The following PCDHGA4 variants were observed in gnomAD, a reference collection of about 807,000 sequenced individuals.
PCDHGA4 encodes protocadherin gamma subfamily A, 4.
In PCDHGA4, 38 loss-of-function variants were observed where a neutral mutation model predicts 54.6. That is an observed-to-expected ratio of 0.70 (90% confidence interval 0.54 to 0.91). The LOEUF (loss-of-function observed/expected upper bound fraction) is 0.91. PCDHGA4 is among the 40% of genes least tolerant of loss of function. The pLI is 0.00. For missense variants in PCDHGA4, 1,298 were observed against 1,220.9 expected (o/e 1.06, Z -0.94); for synonymous variants, 511 against 512.9 (o/e 1.00, Z 0.05).
At chr5:141,451,224 C>G (rs2098710956) in intron 1 of PCDHGA4, among the ~76,000 whole-genome samples, 1 of 152,170 alleles carries the variant, frequency 6.6e-6, no homozygotes, top group South Asian at 2.1e-4. Flanking sequence ...TTAAAAGAAG[C>G]ATTTATTATC....
At chr5:141,436,467 A>G (rs2097825090) in intron 1 of PCDHGA4, among the ~76,000 whole-genome samples, 1 of 152,216 alleles carries the variant, frequency 6.6e-6, no homozygotes, top group South Asian at 2.1e-4. Flanking sequence ...GAATTTTCAG[A>G]TGTATCATAG....
intron 1 of PCDHGA4, chr5:141,409,656 G>A: frequency 6.2e-7 from 1 of 1,613,618 alleles, no homozygotes; most frequent in South Asian, 1.1e-5. Context: ...GGGCTCAATG[G>A]CCACATCTCC....
At chr5:141,371,610 A>C in intron 1 of PCDHGA4, 1 of 1,614,006 alleles carries the variant, frequency 6.2e-7, no homozygotes, top group Non-Finnish European at 8.5e-7. Context: ...CAGGTTGGTG[A>C]CAGATGGAGC....
intron 1 of PCDHGA4, chr5:141,412,213 C>T (rs1467971455): frequency 6.6e-6 from 1 of 152,224 alleles, no homozygotes; most frequent in Non-Finnish European, 1.5e-5. Context: ...TTGACATAAA[C>T]ACTTACTTGT....
At chr5:141,510,335 AC>A (rs1247622083) in intron 3 of PCDHGA4, among the ~76,000 whole-genome samples, 1 of 149,138 alleles carries the variant, frequency 6.7e-6, no homozygotes, top group African/African-American at 2.5e-5. Context: ...CTTCACCCCC[AC>A]CCCACACACT....
intron 1 of PCDHGA4, chr5:141,361,554 A>G (rs199916536): frequency 2.8e-5 from 45 of 1,613,944 alleles, no homozygotes; most frequent in East Asian, 8.9e-5. Context: ...CTATCGCTCA[A>G]ATCAGTGCCT....
intron 1 of PCDHGA4, chr5:141,364,809 C>A: frequency 6.2e-7 from 1 of 1,613,952 alleles, no homozygotes; most frequent in Non-Finnish European, 8.5e-7. Flanking sequence ...GCGCGGGATG[C>A]GGATGTGGGT....
chr5:141,434,480 C>T (rs777049751), intron 1 of PCDHGA4, among the ~76,000 whole-genome samples: 6 of 152,194 alleles, frequency 3.9e-5, no homozygotes, highest in Non-Finnish European at 5.9e-5. Context: ...GGGCAAGGAA[C>T]ACCTGGCCCG....
intron 1 of PCDHGA4, chr5:141,422,833 C>G (rs2096676817): frequency 6.2e-7 from 1 of 1,614,106 alleles, no homozygotes; most frequent in African/African-American, 1.3e-5. Flanking sequence ...AGTGATAGCA[C>G]GTGACAGCGG....
At chr5:141,417,866 G>C (rs1299960512) in intron 1 of PCDHGA4, 1 of 1,552,408 alleles carries the variant, frequency 6.4e-7, no homozygotes, top group African/African-American at 1.4e-5. Context: ...AACGATGGGA[G>C]GGAGCTGCGC....
intron 1 of PCDHGA4, chr5:141,384,511 G>A (rs1780163912): frequency 6.2e-7 from 1 of 1,614,188 alleles, no homozygotes; most frequent in Non-Finnish European, 8.5e-7. Flanking sequence ...ACATGACAGC[G>A]GGGACCCGCC....
chr5:141,501,311 AC>A (rs2099807696), intron 2 of PCDHGA4, among the ~76,000 whole-genome samples: 1 of 151,670 alleles, frequency 6.6e-6, no homozygotes, highest in Non-Finnish European at 1.5e-5. Context: ...ACACACACAC[AC>A]ACACACACAC....
chr5:141,361,728 A>T (rs1318637710), intron 1 of PCDHGA4: 3 of 1,613,128 alleles, frequency 1.9e-6, no homozygotes, highest in Non-Finnish European at 2.5e-6. Context: ...TCGAGCTCAC[A>T]CTGCAGGCCC....
chr5:141,456,975 A>T (rs1240583336), intron 1 of PCDHGA4, among the ~76,000 whole-genome samples: 1 of 152,178 alleles, frequency 6.6e-6, no homozygotes, highest in East Asian at 1.9e-4. Flanking sequence ...AACAAAACAA[A>T]CAAACAAACA....
rs780436102 is a variant in PCDHGA4, at chr5:141,431,846, G to A, written c.2515-62961G>A. 1 of 1,614,274 alleles carries A rather than the reference G, an allele frequency of 6.2e-7. No individual in the cohort carries two copies. Among genetic ancestry groups the A allele is most frequent in the South Asian group, 1.1e-5 (1 of 91,088 alleles). On this transcript the variant is annotated intron_variant, in intron 1 of 3. Coordinates refer to ENST00000571252, the MANE Select transcript of PCDHGA4 (RefSeq NM_018917.4). The surrounding 1 kb of genome is among the most constrained non-coding windows in gnomAD (Gnocchi z 4.8). ...CTCGGTTCCCGAAAACTCTCCCAGA[G>A]GGACATTAATTGCCCTTTTAAATGT...
intron 1 of PCDHGA4, chr5:141,399,330 A>G: frequency 6.2e-7 from 1 of 1,613,994 alleles, no homozygotes; most frequent in South Asian, 1.1e-5. Flanking sequence ...ATAAGTTGGT[A>G]ACAGATGGAA....
chr5:141,366,335 C>T, intron 1 of PCDHGA4: 2 of 1,613,882 alleles, frequency 1.2e-6, no homozygotes, highest in Non-Finnish European at 1.7e-6. Context: ...CGACAGGATC[C>T]CTGACATCCT....
chr5:141,446,821 T>C lies in PCDHGA4; in HGVS notation c.2515-47986T>C, dbSNP rs183143971. ...CATTGTGATCATCTAGTCAGATGGG[T>C]AGATCCTTATAAGGCTGAGCATAAT... On this transcript the variant is annotated intron_variant, in intron 1 of 3. Coordinates refer to ENST00000571252, the MANE Select transcript of PCDHGA4 (RefSeq NM_018917.4). 1.6e-3 allele frequency among the ~76,000 whole-genome samples: 244 copies of C among 152,302 alleles called. 2 individuals carry two copies. The highest frequency in any genetic ancestry group is 5.4e-3 in the African/African-American group (223 of 41,572).
intron 1 of PCDHGA4, chr5:141,398,831 C>T: frequency 6.2e-7 from 1 of 1,614,014 alleles, no homozygotes; most frequent in South Asian, 1.1e-5. Context: ...GTAACCGACG[C>T]CAATGATAAT....
Sources: gnomAD v4.1 joint callset for allele counts (sites outside exome capture counted in the v4.1 genomes callset) on GRCh38, gnomAD v4.1.1 for gene constraint, Gnocchi (gnomAD v3.1) non-coding constraint, MANE v1.5 for transcripts, NCBI Gene and HGNC (gene_info 2026-07-23, HGNC 2026-07-21) for gene names.